PRKCH: variants seen among roughly 807,000 people sequenced by gnomAD.
PRKCH encodes protein kinase C eta type.
A neutral mutation model predicts 82.5 loss-of-function variants in PRKCH; 28 were observed. The observed-to-expected ratio is 0.34, with a 90% CI of 0.25 to 0.47. The LOEUF (loss-of-function observed/expected upper bound fraction) is 0.47. Among genes scored for constraint, PRKCH ranks in the 20% least tolerant of loss-of-function variants. The probability of loss-of-function intolerance (pLI) is 1.00; values close to 1 mark genes in which losing one functional copy is unlikely to be tolerated. For missense variants in PRKCH, 705 were observed against 881.8 expected (o/e 0.80, Z 2.54); for synonymous variants, 322 against 327.4 (o/e 0.98, Z 0.18).
chr14:61,197,093 T>A (rs534706190), intron 1 of PRKCH, among the ~76,000 whole-genome samples: 1 of 152,306 alleles, frequency 6.6e-6, no homozygotes, highest in African/African-American at 2.4e-5. Context: ...TTCTTTTCTG[T>A]TCTCCTTTCG....
At chr14:61,279,868 G>A (rs895580144) in intron 1 of PRKCH, 5 of 560,876 alleles carry the variant, frequency 8.9e-6, no homozygotes, top group Non-Finnish European at 1.6e-5. Flanking sequence ...GGTGGGAAGA[G>A]TTTGCAAGGA....
intron 10 of PRKCH, among the ~76,000 whole-genome samples, chr14:61,487,259 A>C (rs1054745247): frequency 2.6e-5 from 4 of 152,182 alleles, no homozygotes; most frequent in Non-Finnish European, 5.9e-5. Flanking sequence ...AAGAGGGTGC[A>C]GAACTGGGAA....
intron 1 of PRKCH, among the ~76,000 whole-genome samples, chr14:61,221,422 T>A (rs1202328620): frequency 6.6e-6 from 1 of 152,048 alleles, no homozygotes; most frequent in Non-Finnish European, 1.5e-5. Flanking sequence ...CCCTTTTTCC[T>A]TCTTGGTTTG....
At chr14:61,536,170 A>C (rs548642636) in intron 12 of PRKCH, among the ~76,000 whole-genome samples, 3 of 85,990 alleles carry the variant, frequency 3.5e-5, no homozygotes, top group Admixed American at 1.5e-4. Flanking sequence ...CTGGGAGTCT[A>C]TGTCACCCTC....
chr14:61,498,669 G>A (rs1408354115), intron 10 of PRKCH, among the ~76,000 whole-genome samples: 6 of 152,152 alleles, frequency 3.9e-5, no homozygotes, highest in Non-Finnish European at 7.4e-5. Flanking sequence ...GTGTTCTCAT[G>A]CGGTGAGGGG....
chr14:61,189,604 C>G (rs964996009), intron 1 of PRKCH, among the ~76,000 whole-genome samples: 1 of 151,956 alleles, frequency 6.6e-6, no homozygotes, highest in Non-Finnish European at 1.5e-5. Flanking sequence ...CTCCCTCCTT[C>G]CCTTCCCTTC....
intron 2 of PRKCH, among the ~76,000 whole-genome samples, chr14:61,435,232 G>A (rs568261798): frequency 6.6e-6 from 1 of 152,192 alleles, no homozygotes; most frequent in South Asian, 2.1e-4. Flanking sequence ...TAATCCCCTG[G>A]TGCATCTGGG....
intron 9 of PRKCH, among the ~76,000 whole-genome samples, chr14:61,467,098 G>A (rs1333060619): frequency 6.6e-6 from 1 of 152,140 alleles, no homozygotes; most frequent in Non-Finnish European, 1.5e-5. Flanking sequence ...AAGTGGGAGA[G>A]GCAGAGAGCA....
intron 10 of PRKCH, among the ~76,000 whole-genome samples, chr14:61,504,643 G>A (rs1887059869): frequency 6.6e-6 from 1 of 152,164 alleles, no homozygotes; most frequent in South Asian, 2.1e-4. Context: ...AATTTCTCCA[G>A]CATTTTCCTT....
intron 2 of PRKCH, among the ~76,000 whole-genome samples, chr14:61,426,751 G>T (rs1209751648): frequency 6.6e-6 from 1 of 152,164 alleles, no homozygotes; most frequent in East Asian, 1.9e-4. Flanking sequence ...AGTATAAAGT[G>T]CCTTGTCCTT....
chr14:61,361,762 T>C (rs76951128), intron 1 of PRKCH, among the ~76,000 whole-genome samples: 6,055 of 152,168 alleles, frequency 0.04, 363 homozygotes, highest in African/African-American at 0.13. Context: ...TTGTGTGGAA[T>C]AAAAAAAGGA....
intron 2 of PRKCH, among the ~76,000 whole-genome samples, chr14:61,421,893 A>G (rs1882855278): frequency 6.6e-6 from 1 of 152,120 alleles, no homozygotes; most frequent in South Asian, 2.1e-4. Flanking sequence ...GGCATCTCCA[A>G]AGTAAGTCAT....
At chr14:61,340,073 G>A (rs75310180) in intron 1 of PRKCH, among the ~76,000 whole-genome samples, 8,843 of 150,722 alleles carry the variant, frequency 0.059, 362 homozygotes, top group South Asian at 0.086. Flanking sequence ...CTTTTGAGGT[G>A]GGGCACAGTG....
chr14:61,412,594 G>A (rs1420186927), intron 2 of PRKCH, among the ~76,000 whole-genome samples: 1 of 152,124 alleles, frequency 6.6e-6, no homozygotes, highest in Non-Finnish European at 1.5e-5. Flanking sequence ...TGCCTGCTGT[G>A]CCAATGCCTG....
intron 10 of PRKCH, among the ~76,000 whole-genome samples, chr14:61,514,070 G>A (rs961930787): frequency 2.6e-5 from 4 of 151,982 alleles, no homozygotes; most frequent in Admixed American, 6.6e-5. Flanking sequence ...CAGCATTCCA[G>A]CCTGCCTACC....
chr14:61,268,941 G>C (rs1042252874), intron 1 of PRKCH, among the ~76,000 whole-genome samples: 41 of 152,146 alleles, frequency 2.7e-4, no homozygotes, highest in African/African-American at 7.7e-4. Context: ...CCTGGGAAAG[G>C]CATCTGCCAA....
chr14:61,291,029 A>C (rs2045356642), intron 1 of PRKCH, among the ~76,000 whole-genome samples: 1 of 152,220 alleles, frequency 6.6e-6, no homozygotes, highest in Non-Finnish European at 1.5e-5. Flanking sequence ...GTCTGTGCTC[A>C]GATTCTCCTT....
intron 1 of PRKCH, chr14:61,306,230 A>G (rs549019686): frequency 1.2e-4 from 19 of 152,338 alleles, no homozygotes; most frequent in African/African-American, 4.3e-4. Flanking sequence ...TGCACAGTCT[A>G]TGATATCTTG....
chr14:61,337,960 G>A (rs947258776), intron 1 of PRKCH, among the ~76,000 whole-genome samples: 2 of 152,202 alleles, frequency 1.3e-5, no homozygotes, highest in African/African-American at 4.8e-5. Context: ...CTCTTTGGTT[G>A]TGCCAAGAAT....
Sources: gnomAD v4.1 joint callset for allele counts (sites outside exome capture counted in the v4.1 genomes callset) on GRCh38, gnomAD v4.1.1 for gene constraint, MANE v1.5 for transcripts, NCBI Gene and HGNC (gene_info 2026-07-23, HGNC 2026-07-21) for gene names.